RPH3A: variants seen among roughly 807,000 people sequenced by gnomAD.
RPH3A encodes the protein rabphilin 3A.
RPH3A carries 48 observed loss-of-function variants against 102.2 expected under a neutral mutation model. The ratio of observed to expected loss-of-function variants is 0.47; its 90% CI spans 0.37 to 0.60. The LOEUF is 0.60. RPH3A is among the 20% of genes least tolerant of loss of function. RPH3A has a pLI of 0.00. For synonymous variants in RPH3A, 310 were observed against 324.3 expected (o/e 0.96, Z 0.47); for missense variants, 781 against 910.1 (o/e 0.86, Z 1.83).
chr12:112,750,566 A>T (rs760557075), intron 1 of RPH3A, among the ~76,000 whole-genome samples: 10 of 152,160 alleles, frequency 6.6e-5, no homozygotes, highest in Non-Finnish European at 1.2e-4. Context: ...TCTCCTTGAC[A>T]TGAGTGAGAG....
chr12:112,707,973 G>A (rs957782942), intron 1 of RPH3A, among the ~76,000 whole-genome samples: 3 of 152,216 alleles, frequency 2.0e-5, no homozygotes, highest in African/African-American at 7.2e-5. Flanking sequence ...GATGGGTAGT[G>A]GGCCAAGGTG....
At chr12:112,599,916 G>A (rs1236179012) in intron 1 of RPH3A, among the ~76,000 whole-genome samples, 1 of 152,144 alleles carries the variant, frequency 6.6e-6, no homozygotes, top group African/African-American at 2.4e-5. Flanking sequence ...TCAGATAAGT[G>A]GCTTCACCCT....
intron 1 of RPH3A, among the ~76,000 whole-genome samples, chr12:112,719,758 T>C (rs1213564659): frequency 2.0e-5 from 3 of 152,176 alleles, no homozygotes; most frequent in South Asian, 4.1e-4. Flanking sequence ...ACAGAGAAGA[T>C]GGGAGAAGTT....
intron 20 of RPH3A, 177 bp from the exon 21 acceptor site, chr12:112,895,600 T>C: frequency 1.8e-6 from 1 of 566,670 alleles, no homozygotes; most frequent in South Asian, 2.2e-5. Flanking sequence ...AGAGTGTTTG[T>C]TGGAAGGGGA....
chr12:112,839,314 CT>C (rs141224326), intron 4 of RPH3A, among the ~76,000 whole-genome samples: 2 of 150,232 alleles, frequency 1.3e-5, no homozygotes, highest in South Asian at 2.1e-4. Context: ...TCTTTTTTTT[CT>C]TTTTTTTTGC....
intron 1 of RPH3A, among the ~76,000 whole-genome samples, chr12:112,737,757 TC>T (rs2040679699): frequency 1.3e-5 from 2 of 152,170 alleles, no homozygotes; most frequent in Non-Finnish European, 2.9e-5. Context: ...AAGAAGAGTT[TC>T]CCTGGACCGA....
intron 2 of RPH3A, among the ~76,000 whole-genome samples, chr12:112,803,374 A>T (rs2041393076): frequency 6.6e-6 from 1 of 152,020 alleles, no homozygotes; most frequent in Non-Finnish European, 1.5e-5. Context: ...ATTAAGGCCC[A>T]TGGATGTCCA....
intron 4 of RPH3A, chr12:112,841,961 T>C (rs11066431): frequency 1.5e-5 from 7 of 455,960 alleles, no homozygotes; most frequent in Non-Finnish European, 2.6e-5. Context: ...TAGGTTCATG[T>C]TTGTGCAGAT....
chr12:112,787,303 T>G (rs182786920), upstream of RPH3A, among the ~76,000 whole-genome samples: 378 of 152,284 alleles, frequency 2.5e-3, 1 homozygote, highest in Non-Finnish European at 2.3e-3. Flanking sequence ...CCTACCACAC[T>G]TGCTAAGTGA....
chr12:112,602,589 A>C (rs1052032930), intron 1 of RPH3A, among the ~76,000 whole-genome samples: 2 of 152,144 alleles, frequency 1.3e-5, no homozygotes, highest in Non-Finnish European at 2.9e-5. Flanking sequence ...CCCTACCCCA[A>C]TCCAAACATA....
chr12:112,795,967 G>A (rs2041220029), intron 2 of RPH3A, among the ~76,000 whole-genome samples: 3 of 152,138 alleles, frequency 2.0e-5, no homozygotes, highest in Admixed American at 2.0e-4. Flanking sequence ...GAGTTCTTTG[G>A]GCTAGTTGTG....
At chr12:112,730,955 A>T (rs2040629140) in intron 1 of RPH3A, among the ~76,000 whole-genome samples, 2 of 152,204 alleles carry the variant, frequency 1.3e-5, no homozygotes, top group Admixed American at 1.3e-4. Context: ...AGGCTGCTAC[A>T]GCCTCCCTGG....
intron 1 of RPH3A, among the ~76,000 whole-genome samples, chr12:112,774,012 G>A (rs2040946220): frequency 1.4e-5 from 2 of 146,080 alleles, no homozygotes; most frequent in South Asian, 4.3e-4. Flanking sequence ...TTGAGCCCGG[G>A]AGGCGGAGGT....
rs896420973 is a variant in RPH3A, at chr12:112,579,523, TA to T, written c.-140+4213del. On this transcript the variant is annotated intron_variant, in intron 1 of 21. Transcript: ENST00000543106. ...CTCCTTTTCATCTTTCCTCTTGTAT[TA>T]AAAAAAAATTCTGGTAAAGCCATTA... Among the ~76,000 whole-genome samples the T allele has an allele frequency of 8.6e-5, 13 of 151,766 alleles. No individual in the cohort carries two copies. The South Asian group carries it at 1.0e-3, about 12-fold the overall frequency.
intron 1 of RPH3A, among the ~76,000 whole-genome samples, chr12:112,582,157 T>C (rs1252619076): frequency 6.8e-6 from 1 of 147,876 alleles, no homozygotes; most frequent in East Asian, 2.0e-4. Flanking sequence ...CAAATCATGA[T>C]TGTTTATATT....
chr12:112,852,148 C>T (rs2042333754), intron 5 of RPH3A, among the ~76,000 whole-genome samples: 1 of 152,208 alleles, frequency 6.6e-6, no homozygotes. Context: ...CCGTCTGTAC[C>T]TTGGTGCTCT....
At chr12:112,671,915 C>T (rs1056004506) in intron 1 of RPH3A, among the ~76,000 whole-genome samples, 1 of 151,666 alleles carries the variant, frequency 6.6e-6, no homozygotes, top group Non-Finnish European at 1.5e-5. Flanking sequence ...TATATACACA[C>T]ACATACATAC....
intron 5 of RPH3A, among the ~76,000 whole-genome samples, chr12:112,860,595 C>G (rs1270331174): frequency 1.3e-5 from 2 of 152,210 alleles, no homozygotes; most frequent in Non-Finnish European, 2.9e-5. Flanking sequence ...TTAAAGCACA[C>G]TGCGGTTTAG....
At chr12:112,831,607 A>G (rs10492024) in intron 3 of RPH3A, 83,052 of 241,912 alleles carry the variant, frequency 0.34, 15,618 homozygotes, top group East Asian at 0.53. Flanking sequence ...CAATGTTCAA[A>G]TCTTCCTGAA....
Sources: gnomAD v4.1 joint callset for allele counts (sites outside exome capture counted in the v4.1 genomes callset) on GRCh38, gnomAD v4.1.1 for gene constraint, MANE v1.5 for transcripts, NCBI Gene and HGNC (gene_info 2026-07-23, HGNC 2026-07-21) for gene names.